ZNF131: variants seen among roughly 807,000 people sequenced by gnomAD.
ZNF131 encodes the protein zinc finger protein 131.
Under a neutral mutation model 60.0 loss-of-function variants are expected in ZNF131, and 7 were observed. The observed-to-expected ratio is 0.12, with a 90% confidence interval of 0.07 to 0.22. The LOEUF (loss-of-function observed/expected upper bound fraction) is 0.22. Ranked by LOEUF, ZNF131 falls within the 10% of genes least tolerant of loss-of-function variation. The probability of loss-of-function intolerance (pLI) is 1.00; values close to 1 mark genes in which losing one functional copy is unlikely to be tolerated. For missense variants in ZNF131, 493 were observed against 740.9 expected, an observed-to-expected ratio of 0.67 and a Z score of 3.88; for synonymous variants, 257 against 253.2, an observed-to-expected ratio of 1.01 and a Z score of -0.14.
chr5:43,127,964 A>G (rs2112138064), intron 3 of ZNF131, among the ~76,000 whole-genome samples: 1 of 152,342 alleles, frequency 6.6e-6, no homozygotes, highest in Admixed American at 6.5e-5. Context: ...CCCTACTATC[A>G]AGAACAAAAC....
At chr5:43,154,941 T>C (rs943852542) in intron 4 of ZNF131, among the ~76,000 whole-genome samples, 7 of 152,158 alleles carry the variant, frequency 4.6e-5, no homozygotes, top group Admixed American at 2.6e-4. Context: ...AGTAAAAATA[T>C]AGCAAGGTTA....
chr5:43,164,618 A>G (rs1198008513), intron 5 of ZNF131, among the ~76,000 whole-genome samples: 2 of 152,186 alleles, frequency 1.3e-5, no homozygotes, highest in East Asian at 3.8e-4. Flanking sequence ...TACCCAAAAC[A>G]TTGCCTACTG....
At chr5:43,158,620 CACTT>C (rs1377514567) in intron 4 of ZNF131, among the ~76,000 whole-genome samples, 1 of 152,144 alleles carries the variant, frequency 6.6e-6, no homozygotes, top group South Asian at 2.1e-4. Context: ...TATATCTGCA[CACTT>C]ACTTCCAAAT....
At chr5:43,132,004 G>C (rs1745424813) in intron 3 of ZNF131, among the ~76,000 whole-genome samples, 1 of 124,328 alleles carries the variant, frequency 8.0e-6, no homozygotes, top group Admixed American at 8.2e-5. Flanking sequence ...TCATAGAGTT[G>C]TTATGAGAAT....
rs113122114 is a variant in ZNF131 at position 43,171,492 on chromosome 5, G to A, written c.1055-1826G>A. ...GTTCAGGACCAGTCTCACTAACATG[G>A]TGAAACTCTGAGCTGAGATCATGCC... On this transcript the variant is annotated intron_variant, in intron 5 of 6. Coordinates refer to ENST00000682664, the MANE Select transcript of ZNF131 (RefSeq NM_001330707.2). Among the ~76,000 whole-genome samples, 1,402 of 152,190 alleles carry A rather than the reference G, an allele frequency of 9.2e-3. 19 individuals carry two copies. The highest frequency in any genetic ancestry group is 0.024 in the Middle Eastern group (7 of 294).
chr5:43,130,264 CAAAAAAA>C lies in ZNF131; in HGVS notation c.226+6966_226+6972del, dbSNP rs570313526. Among the ~76,000 whole-genome samples the C allele has an allele frequency of 6.7e-4, 46 of 68,390 alleles. 1 individual carries two copies. Among genetic ancestry groups the C allele is most frequent in the Middle Eastern group, 9.1e-3 (1 of 110 alleles). 44.9% of individuals were successfully genotyped at this position (68,390 alleles called of 152,430 possible). A position where few individuals can be genotyped will look rare whatever the true frequency, so the allele number is the denominator to read the frequency against. On this transcript the variant is annotated intron_variant, in intron 3 of 6. Transcript: ENST00000682664. ...GAGCGATAGAGTAAGACTCTGTCTC[CAAAAAAA>C]AAAAAAAAAAAGAGGAAAGTAGAGG...
At chr5:43,151,271 C>A (rs1260245386) in intron 4 of ZNF131, among the ~76,000 whole-genome samples, 1 of 152,160 alleles carries the variant, frequency 6.6e-6, no homozygotes, top group Non-Finnish European at 1.5e-5. Flanking sequence ...ACGGGATGTG[C>A]ATAAATAAGT....
chr5:43,121,350 G>A (rs1210336584), intron 1 of ZNF131, among the ~76,000 whole-genome samples: 1 of 152,224 alleles, frequency 6.6e-6, no homozygotes, highest in Non-Finnish European at 1.5e-5. Flanking sequence ...CAAGCCCACC[G>A]CTGCCCGGTT....
At chr5:43,169,948 G>A (rs538912458) in intron 5 of ZNF131, among the ~76,000 whole-genome samples, 2 of 152,018 alleles carry the variant, frequency 1.3e-5, no homozygotes, top group East Asian at 1.9e-4. Flanking sequence ...CCGCCGCCAC[G>A]CCTGGCTAAT....
chr5:43,133,283 G>A (rs1307007651), intron 3 of ZNF131, among the ~76,000 whole-genome samples: 1 of 152,102 alleles, frequency 6.6e-6, no homozygotes, highest in Admixed American at 6.5e-5. Flanking sequence ...AGCCAACATA[G>A]TGAAACCCCA....
In ZNF131 at chr5:43,154,220, T is replaced by C. The variant is rs143751241; in HGVS notation, c.372-7029T>C. Among the ~76,000 whole-genome samples, 699 of 152,248 alleles carry C rather than the reference T, an allele frequency of 4.6e-3. 4 individuals carry two copies. Among genetic ancestry groups the C allele is most frequent in the African/African-American group, 0.016 (679 of 41,554 alleles). ...TGAGGTCAGGAGTTTGAGACCAGTC[T>C]GACCAACGTGGTGAAATCCTGTCTC... On this transcript the variant is annotated intron_variant, in intron 4 of 6. Coordinates refer to ENST00000682664, the MANE Select transcript of ZNF131 (RefSeq NM_001330707.2).
chr5:43,145,222 CT>C (rs1188571044), intron 4 of ZNF131, among the ~76,000 whole-genome samples: 1 of 152,142 alleles, frequency 6.6e-6, no homozygotes, highest in Non-Finnish European at 1.5e-5. Flanking sequence ...TGAATACAGG[CT>C]GGCTTATCCC....
At chr5:43,160,268 C>T (rs1749515993) in intron 4 of ZNF131, among the ~76,000 whole-genome samples, 1 of 151,940 alleles carries the variant, frequency 6.6e-6, no homozygotes, top group African/African-American at 2.4e-5. Flanking sequence ...TCTGGGAGGC[C>T]GAGGCAGGAG....
chr5:43,172,484 TG>T (rs1751115754), intron 5 of ZNF131, among the ~76,000 whole-genome samples: 2 of 152,132 alleles, frequency 1.3e-5, no homozygotes, highest in Non-Finnish European at 2.9e-5. Flanking sequence ...TAGCCGGGCG[TG>T]CTGGCGCACA....
In ZNF131 at chr5:43,130,263, CCA is replaced by C. The variant is rs1491114052; in HGVS notation, c.226+6954_226+6955del. On this transcript the variant is annotated intron_variant, in intron 3 of 6. Coordinates refer to ENST00000682664, the MANE Select transcript of ZNF131 (RefSeq NM_001330707.2). ...TGAGCGATAGAGTAAGACTCTGTCT[CCA>C]AAAAAAAAAAAAAAAAAGAGGAAAG... is the stretch of plus-strand genomic sequence containing the variant. Among the ~76,000 whole-genome samples, 14 of 33,158 alleles carry C rather than the reference CCA, an allele frequency of 4.2e-4. 1 individual carries two copies. The South Asian group carries it at 7.7e-3, about 18-fold the overall frequency. 21.8% of individuals were successfully genotyped at this position (33,158 alleles called of 152,430 possible).
chr5:43,154,370 C>T (rs984629114), intron 4 of ZNF131, among the ~76,000 whole-genome samples: 13 of 151,686 alleles, frequency 8.6e-5, no homozygotes, highest in Admixed American at 6.6e-4. Flanking sequence ...GCTGAGATTG[C>T]GCCACTGCAC....
intron 4 of ZNF131, among the ~76,000 whole-genome samples, chr5:43,156,925 G>C (rs1749037051): frequency 6.6e-6 from 1 of 152,000 alleles, no homozygotes. Flanking sequence ...TTGCTGCCCT[G>C]TTGTTATTCG....
At chr5:43,162,982 T>TG (rs1749923999) in intron 5 of ZNF131, among the ~76,000 whole-genome samples, 1 of 129,082 alleles carries the variant, frequency 7.7e-6, no homozygotes, top group Non-Finnish European at 1.7e-5. Context: ...TTTTTTTTTT[T>TG]TTTTTGGCAG....
rs566050721 is a variant in ZNF131 at position 43,127,286 on chromosome 5, A to G, written c.226+3976A>G. 3.3e-5 allele frequency among the ~76,000 whole-genome samples: 5 copies of G among 152,334 alleles called. No homozygotes were observed. In the South Asian group the frequency reaches 8.3e-4, roughly 25 times the overall value. ...TTACAAATATAAATGCCCAGGTTGTATCTCCAGATAATTAAAAATCTTTCA... is the reference window on the plus strand; with the variant it reads ...TTACAAATATAAATGCCCAGGTTGTGTCTCCAGATAATTAAAAATCTTTCA... On this transcript the variant is annotated intron_variant, in intron 3 of 6. Transcript: ENST00000682664.
Sources: gnomAD v4.1 joint callset for allele counts (sites outside exome capture counted in the v4.1 genomes callset) on GRCh38, gnomAD v4.1.1 for gene constraint, MANE v1.5 for transcripts, NCBI Gene and HGNC (gene_info 2026-07-23, HGNC 2026-07-21) for gene names.